UGT1A9: variants seen among roughly 807,000 people sequenced by gnomAD.
The protein encoded by UGT1A9 is UDP glucuronosyltransferase family 1 member A9.
UGT1A9 carries 35 observed loss-of-function variants against 45.0 expected under a neutral mutation model. The ratio of observed to expected loss-of-function variants is 0.78; its 90% confidence interval spans 0.59 to 1.03. The LOEUF is 1.03. UGT1A9 is among the 50% of genes least tolerant of loss of function. The pLI, the probability that UGT1A9 is intolerant of heterozygous loss-of-function variation, is 0.00. For synonymous variants in UGT1A9, 278 were observed against 250.6 expected (o/e 1.11, Z -1.03); for missense variants, 687 against 666.6 (o/e 1.03, Z -0.34).
At chr2:233,744,484 GC>G (rs2125863541) in intron 1 of UGT1A9, among the ~76,000 whole-genome samples, 1 of 151,978 alleles carries the variant, frequency 6.6e-6, no homozygotes, top group Non-Finnish European at 1.5e-5. Context: ...TATTAATTGG[GC>G]AATTTAGTAA....
intron 1 of UGT1A9, among the ~76,000 whole-genome samples, chr2:233,680,422 T>C (rs2074486233): frequency 1.3e-5 from 2 of 152,154 alleles, no homozygotes; most frequent in South Asian, 4.2e-4. Flanking sequence ...ATTATAGTAG[T>C]GTAGTATGTA....
At chr2:233,733,439 G>T (rs1332999216) in intron 1 of UGT1A9, among the ~76,000 whole-genome samples, 5 of 152,168 alleles carry the variant, frequency 3.3e-5, no homozygotes, top group Non-Finnish European at 7.3e-5. Context: ...GATATTGGCT[G>T]CGGGTTTGTC....
intron 1 of UGT1A9, among the ~76,000 whole-genome samples, chr2:233,749,576 ACT>A (rs1258073288): frequency 2.6e-5 from 4 of 151,762 alleles, no homozygotes; most frequent in African/African-American, 9.7e-5. Context: ...GAGGCCACTG[ACT>A]CTGTCTCAAC....
intron 1 of UGT1A9, among the ~76,000 whole-genome samples, chr2:233,724,775 C>T (rs2077310067): frequency 7.0e-6 from 1 of 142,494 alleles, no homozygotes; most frequent in Non-Finnish European, 1.5e-5. Context: ...GGCAGAGACA[C>T]TCCTCACTTC....
Position 233,730,281 on chromosome 2 carries a change from C to T in UGT1A9, c.856-36753C>T, listed in dbSNP as rs566860864. On this transcript the variant is annotated intron_variant, in intron 1 of 4. Transcript: ENST00000354728. ...GACTGTTGGTTTGTAAAGGCACCATCTTCATGGTTGTGCATGTCCTTCAGC... is the reference window on the plus strand; with the variant it reads ...GACTGTTGGTTTGTAAAGGCACCATTTTCATGGTTGTGCATGTCCTTCAGC... 2.6e-5 allele frequency among the ~76,000 whole-genome samples: 4 copies of T among 152,274 alleles called. No individual in the cohort carries two copies. In the South Asian group the frequency reaches 8.3e-4, roughly 32 times the overall value.
chr2:233,733,864 A>G (rs1575602891), intron 1 of UGT1A9, among the ~76,000 whole-genome samples: 1 of 151,900 alleles, frequency 6.6e-6, no homozygotes, highest in African/African-American at 2.4e-5. Context: ...TGATTGGAAT[A>G]GTTTCAGAAG....
At chr2:233,752,692 C>T (rs973009345) in intron 1 of UGT1A9, 1 of 152,166 alleles carries the variant, frequency 6.6e-6, no homozygotes, top group African/African-American at 2.4e-5. Flanking sequence ...TTCATGTTTA[C>T]TAGTGGGGTA....
chr2:233,681,999 G>A (rs2074549266), intron 1 of UGT1A9: 1 of 1,614,050 alleles, frequency 6.2e-7, no homozygotes, highest in Non-Finnish European at 8.5e-7. Flanking sequence ...CTGACCTGTG[G>A]CTTTGCCAAG....
Position 233,765,281 on chromosome 2 carries a change from A to G in UGT1A9, c.856-1753A>G, listed in dbSNP as rs552450239. On this transcript the variant is annotated intron_variant, in intron 1 of 4. Transcript: ENST00000354728. Reference sequence around the variant, plus strand: ...GTATATACCCAAAGAAATATAAATTATTCTACTATAAAGACACATGCACAT... The same window carrying G: ...GTATATACCCAAAGAAATATAAATTGTTCTACTATAAAGACACATGCACAT... Among the ~76,000 whole-genome samples, 6 of 152,338 alleles carry G rather than the reference A, an allele frequency of 3.9e-5. No homozygotes were observed. The East Asian group carries it at 1.2e-3, about 29-fold the overall frequency.
chr2:233,678,294 C>T (rs866342037), intron 1 of UGT1A9, among the ~76,000 whole-genome samples: 82 of 152,234 alleles, frequency 5.4e-4, no homozygotes, highest in African/African-American at 1.8e-3. Context: ...CACATGTACT[C>T]CTGAATCTAA....
At chr2:233,681,544 A>C (rs1179963746) in intron 1 of UGT1A9, among the ~76,000 whole-genome samples, 1 of 151,970 alleles carries the variant, frequency 6.6e-6, no homozygotes, top group Non-Finnish European at 1.5e-5. Context: ...AAAAAAAAAA[A>C]AAAAAAAAAA....
chr2:233,716,651 C>T (rs6744284), intron 1 of UGT1A9, among the ~76,000 whole-genome samples: 57,476 of 151,882 alleles, frequency 0.38, 12,088 homozygotes, highest in African/African-American at 0.57. Flanking sequence ...ACTTTTTGTA[C>T]CCTAAGGAAG....
chr2:233,747,643 C>T (rs1693738898), intron 1 of UGT1A9: 1 of 1,585,416 alleles, frequency 6.3e-7, no homozygotes, highest in East Asian at 2.2e-5. Context: ...CTGAATGCTA[C>T]TTCCTTCGAT....
intron 1 of UGT1A9, chr2:233,693,924 C>T: frequency 6.2e-7 from 1 of 1,609,314 alleles, no homozygotes; most frequent in East Asian, 2.2e-5. Context: ...TCCTCCCTCA[C>T]TCATTTGGCT....
chr2:233,676,369 G>T lies in UGT1A9; in HGVS notation c.855+3580G>T, dbSNP rs1380710609. On this transcript the variant is annotated intron_variant, in intron 1 of 4. Transcript: ENST00000354728. ...AGAATAAATATAGGATTATAGCAAG[G>T]TTACAACAAATAGTTTAGAGAATTT... 2.0e-5 allele frequency among the ~76,000 whole-genome samples: 3 copies of T among 152,118 alleles called. No homozygotes were observed. In the East Asian group the frequency reaches 5.8e-4, roughly 29 times the overall value.
chr2:233,760,932 T>C, intron 1 of UGT1A9: 1 of 1,614,198 alleles, frequency 6.2e-7, no homozygotes, highest in Non-Finnish European at 8.5e-7. Context: ...ACATGCTCAT[T>C]GCCTTTTCAC....
chr2:233,743,638 G>C (rs767583424), intron 1 of UGT1A9: 1 of 1,367,318 alleles, frequency 7.3e-7, no homozygotes, highest in East Asian at 4.5e-5. Context: ...CTGGGTCGCG[G>C]AAGCTGAAGA....
At chr2:233,683,914 A>G (rs2074656388) in intron 1 of UGT1A9, among the ~76,000 whole-genome samples, 1 of 152,210 alleles carries the variant, frequency 6.6e-6, no homozygotes, top group Non-Finnish European at 1.5e-5. Context: ...CGGAGCATAT[A>G]GTTCCAAAAT....
chr2:233,696,212 C>G (rs558627515), intron 1 of UGT1A9, among the ~76,000 whole-genome samples: 1 of 152,314 alleles, frequency 6.6e-6, no homozygotes, highest in East Asian at 1.9e-4. Context: ...TATTATAGCA[C>G]TATTCACAGT....
Sources: gnomAD v4.1 joint callset for allele counts (sites outside exome capture counted in the v4.1 genomes callset) on GRCh38, gnomAD v4.1.1 for gene constraint, MANE v1.5 for transcripts, NCBI Gene and HGNC (gene_info 2026-07-23, HGNC 2026-07-21) for gene names.